The following NPHS1 variants were observed in gnomAD, a reference collection of about 807,000 sequenced individuals.
The protein encoded by NPHS1 is NPHS1 adhesion molecule, nephrin, also known as nephrin.
Under a neutral mutation model 139.7 loss-of-function variants are expected in NPHS1, and 107 were observed. The observed-to-expected ratio is 0.77, with a 90% CI of 0.66 to 0.90. The LOEUF (loss-of-function observed/expected upper bound fraction) is 0.90. Ranked by LOEUF, NPHS1 falls within the 40% of genes least tolerant of loss-of-function variation. The probability of loss-of-function intolerance (pLI) is 0.00; values close to 1 mark genes in which losing one functional copy is unlikely to be tolerated. For missense variants in NPHS1, 1,580 were observed against 1,654.2 expected, an observed-to-expected ratio of 0.96 and a Z score of 0.78; for synonymous variants, 707 against 706.6, an observed-to-expected ratio of 1.00 and a Z score of -0.01.
intron 28 of NPHS1, among the ~76,000 whole-genome samples, chr19:35,828,062 C>T (rs1330928619): frequency 6.6e-6 from 1 of 152,002 alleles, no homozygotes; most frequent in East Asian, 1.9e-4. Context: ...AAAAACAAAA[C>T]AAAGCAAAAC....
intron 11 of NPHS1, among the ~76,000 whole-genome samples, chr19:35,846,966 A>T (rs1360517989): frequency 6.6e-6 from 1 of 152,148 alleles, no homozygotes; most frequent in African/African-American, 2.4e-5. Flanking sequence ...CTTGCCTCCA[A>T]ATCCCAAGAG....
chr19:35,849,162 A>C lies in NPHS1; in HGVS notation c.841-15T>G. On this transcript the variant is annotated splice_polypyrimidine_tract_variant and intron_variant, in intron 7 of 28. Coordinates refer to ENST00000378910, the MANE Select transcript of NPHS1 (RefSeq NM_004646.4). ...GGCTGGCCATTCTGGAGACAGGGACAGGCCTGGGCCAGCTCAGGACTGGCT... is the reference window on the plus strand; with the variant it reads ...GGCTGGCCATTCTGGAGACAGGGACCGGCCTGGGCCAGCTCAGGACTGGCT... 6.2e-7 allele frequency: 1 copy of C among 1,611,862 alleles called. No homozygotes were observed. The highest frequency in any genetic ancestry group is 8.5e-7 in the Non-Finnish European group (1 of 1,180,002).
Position 35,849,025 on chromosome 19 carries a change from G to C in NPHS1, c.963C>G (p.Asn321Lys). Residue 321 changes from asparagine to lysine, a missense_variant, in exon 8 of 29, where the codon AAC becomes AAG. Physicochemically the swap from Asn to Lys is moderately conservative, Grantham distance 94 (BLOSUM62 0). Coordinates refer to ENST00000378910, the MANE Select transcript of NPHS1 (RefSeq NM_004646.4). ...GCTCCTGGGTCCCTGCAGACACGCT[G>C]TTGTGGGCCTCGCAGCTGAGCTGCG... ...HGAQLSCEAH[N>K]SVSAGTQEHG... 2 of 1,612,304 alleles carry C rather than the reference G, an allele frequency of 1.2e-6. No individual in the cohort carries two copies. Among genetic ancestry groups the C allele is most frequent in the Non-Finnish European group, 1.7e-6 (2 of 1,180,036 alleles).
Position 35,842,278 on chromosome 19 carries a change from C to T in NPHS1, c.2509G>A (p.Ala837Thr), listed in dbSNP as rs150623032. The change falls in exon 19 of 29, where the codon GCC becomes ACC. Residue 837 changes from alanine to threonine, a missense_variant and splice_region_variant. By Grantham distance (58) the Ala-to-Thr change is moderately conservative. Transcript: ENST00000378910. ...GGAGTGGGGTGCTCCACCTGGGGGG[C>T]AACTGGGAGGGGATGGGCAGTCAAC... is the stretch of plus-strand genomic sequence containing the variant. The part of the protein sequence containing the change: ...RRLLRLVVRF[A>T]PQVEHPTPLT... The T allele has an allele frequency of 1.9e-6, 3 of 1,612,396 alleles. No individual in the cohort carries two copies. Among genetic ancestry groups the T allele is most frequent in the Admixed American group, 3.3e-5 (2 of 59,990 alleles).
Position 35,848,058 on chromosome 19 carries a change from A to G in NPHS1, c.1423T>C (p.Ser475Pro). 1 of 1,613,814 alleles carries G rather than the reference A, an allele frequency of 6.2e-7. No individual in the cohort carries two copies. Among genetic ancestry groups the G allele is most frequent in the Non-Finnish European group, 8.5e-7 (1 of 1,180,006 alleles). The part of the protein sequence containing the change: ...CLAIGGNPEP[S>P]LMWYKDSRTV... ...GCACCAACCTTGTACCACATGAGGGAGGGCTCTGGGTTGCCCCCGATAGCC... is the reference window on the plus strand; with the variant it reads ...GCACCAACCTTGTACCACATGAGGGGGGGCTCTGGGTTGCCCCCGATAGCC... Residue 475 changes from serine to proline, a missense_variant, in exon 11 of 29, where the codon TCC becomes CCC. By Grantham distance (74) the Ser-to-Pro change is moderately conservative. Transcript: ENST00000378910.
In NPHS1 at chr19:35,848,244, G is replaced by A; in HGVS notation, c.1315+9C>T. On this transcript the variant is annotated intron_variant, in intron 10 of 28. Transcript: ENST00000378910. ...TTGGGGGCATTGCTGGGCCAGGGCAGGGGCTCACATTTTACGTTCAGGATG... is the reference window on the plus strand; with the variant it reads ...TTGGGGGCATTGCTGGGCCAGGGCAAGGGCTCACATTTTACGTTCAGGATG... The A allele has an allele frequency of 6.2e-7, 1 of 1,614,162 alleles. No homozygotes were observed.
In NPHS1 at chr19:35,845,507, G is replaced by A; in HGVS notation, c.1791C>T (p.Ala597=). 1 of 1,611,656 alleles carries A rather than the reference G, an allele frequency of 6.2e-7. No homozygotes were observed. The highest frequency in any genetic ancestry group is 8.5e-7 in the Non-Finnish European group (1 of 1,179,132). ...LEGVAAPPRR[A]PFKGSAAARS... is the part of the protein sequence containing the mutation. The stretch of plus-strand genomic sequence containing the variant: ...TGGCGGCGGCGGAGCCTTTGAATGG[G>A]GCTCTCCGGGGTGGGGCGGCCACGC... The change falls in exon 14 of 29, where the codon GCC becomes GCT. Residue 597 remains alanine (A), a synonymous_variant. Coordinates refer to ENST00000378910, the MANE Select transcript of NPHS1 (RefSeq NM_004646.4). This position sits in a 1 kb window ranked among gnomAD's most constrained non-coding sequence, Gnocchi z 5.5.
chr19:35,849,131 G>A lies in NPHS1; in HGVS notation c.857C>T (p.Ser286Phe), dbSNP rs1396811479. 6.2e-7 allele frequency: 1 copy of A among 1,609,812 alleles called. No individual in the cohort carries two copies. Among genetic ancestry groups the A allele is most frequent in the African/African-American group, 1.3e-5 (1 of 74,938 alleles). Reference protein sequence around the residue: ...LQWLKNGQPVSTAWGTEHTQA... With the variant: ...LQWLKNGQPVFTAWGTEHTQA... ...GGTGTGCTCTGTGCCCCACGCTGTG[G>A]ACACCGGCTGGCCATTCTGGAGACA... The change falls in exon 8 of 29, where the codon TCC becomes TTC. Residue 286 changes from serine to phenylalanine, a missense_variant. By Grantham distance (155) the Ser-to-Phe change is radical (BLOSUM62 -2). Coordinates refer to ENST00000378910, the MANE Select transcript of NPHS1 (RefSeq NM_004646.4).
chr19:35,826,642 G>C lies in NPHS1; in HGVS notation c.3598C>G (p.Pro1200Ala), dbSNP rs35240811. 1 of 1,613,990 alleles carries C rather than the reference G, an allele frequency of 6.2e-7. No individual in the cohort carries two copies. The highest frequency in any genetic ancestry group is 8.5e-7 in the Non-Finnish European group (1 of 1,180,024). The change falls in exon 29 of 29, where the codon CCC becomes GCC. Residue 1200 changes from proline to alanine, a missense_variant. Physicochemically the swap from Pro to Ala is conservative, Grantham distance 27. Coordinates refer to ENST00000378910, the MANE Select transcript of NPHS1 (RefSeq NM_004646.4). Reference sequence around the variant, plus strand: ...TCTTCAGGCCAGTGGAGGTCCCAGGGTCCCTGACAGGCAAAAAGTGGAGTT... The same window carrying C: ...TCTTCAGGCCAGTGGAGGTCCCAGGCTCCCTGACAGGCAAAAAGTGGAGTT... ...GPLYDEVQMG[P>A]WDLHWPEDTY... is the part of the protein sequence containing the mutation.
In NPHS1 at chr19:35,845,023, T is replaced by G. The variant is rs1375009847; in HGVS notation, c.1930+345A>C. On this transcript the variant is annotated intron_variant, in intron 14 of 28. Transcript: ENST00000378910. The surrounding 1 kb of genome is among the most constrained non-coding windows in gnomAD (Gnocchi z 5.5). Reference sequence around the variant, plus strand: ...TGGCACGCGCCTGTAATCCCAGCACTTTGAGAGGCCAACGCAGGAGAACTG... The same window carrying G: ...TGGCACGCGCCTGTAATCCCAGCACGTTGAGAGGCCAACGCAGGAGAACTG... Among the ~76,000 whole-genome samples, 1 of 152,090 alleles carries G rather than the reference T, an allele frequency of 6.6e-6. No homozygotes were observed. The highest frequency in any genetic ancestry group is 1.5e-5 in the Non-Finnish European group (1 of 68,026).
At chr19:35,836,450 C>T (rs747976752) in intron 22 of NPHS1, among the ~76,000 whole-genome samples, 3 of 151,958 alleles carry the variant, frequency 2.0e-5, no homozygotes, top group Admixed American at 1.3e-4. Flanking sequence ...TGAGCACTTT[C>T]GGTGTGCAAG....
In NPHS1 at chr19:35,849,328, G is replaced by T; in HGVS notation, c.748C>A (p.Leu250Met). Residue 250 changes from leucine to methionine, a missense_variant, in exon 7 of 29, where the codon CTG becomes ATG. By Grantham distance (15) the Leu-to-Met change is conservative. Transcript: ENST00000378910. ...PGPPVIEWPGLDEGHVRAGQS... is the reference protein window; with the variant it reads ...PGPPVIEWPGMDEGHVRAGQS... ...CCTGCCCGCACGTGCCCCTCATCCA[G>T]GCCTGGCCACTCGATGACAGGGGGT... is the stretch of plus-strand genomic sequence containing the variant. 1 of 1,612,836 alleles carries T rather than the reference G, an allele frequency of 6.2e-7. No homozygotes were observed.
chr19:35,847,921 T>C, intron 11 of NPHS1, 120 bp downstream of exon 11: 1 of 1,069,318 alleles, frequency 9.4e-7, no homozygotes, highest in Non-Finnish European at 1.3e-6. Flanking sequence ...CTCAGAATCT[T>C]TAGTACTTTT....
intron 22 of NPHS1, among the ~76,000 whole-genome samples, chr19:35,837,039 A>G (rs1346728959): frequency 9.3e-6 from 1 of 107,136 alleles, no homozygotes; most frequent in Non-Finnish European, 1.8e-5. Context: ...AGAAAGAAAG[A>G]AAGAAAGAAA....
Position 35,851,094 on chromosome 19 carries a change from T to G in NPHS1, c.398-5A>C. 1 of 1,613,956 alleles carries G rather than the reference T, an allele frequency of 6.2e-7. No homozygotes were observed. Among genetic ancestry groups the G allele is most frequent in the Non-Finnish European group, 8.5e-7 (1 of 1,180,004 alleles). On this transcript the variant is annotated splice_polypyrimidine_tract_variant and splice_region_variant and intron_variant, in intron 3 of 28. Transcript: ENST00000378910. ...GCAGGAGCAGCTTGGGAGGAACTGG[T>G]GAGAGAAGGGTCTGGGGTAAGCTTC...
At position 35,844,384 on chromosome 19, in the gene NPHS1, G is replaced by A; in HGVS notation, c.2006C>T (p.Ser669Phe). The part of the protein sequence containing the change: ...VEQGEALLPV[S>F]VSANPAPEAF... ...CTCGGGGGCGGGGTTAGCGGACACGGACACGGGCAGCAACGCCTCGCCCTG... is the reference window on the plus strand; with the variant it reads ...CTCGGGGGCGGGGTTAGCGGACACGAACACGGGCAGCAACGCCTCGCCCTG... The change falls in exon 15 of 29, where the codon TCC (serine) becomes TTC (phenylalanine). Residue 669 changes from serine to phenylalanine, a missense_variant. Coordinates refer to ENST00000378910, the MANE Select transcript of NPHS1 (RefSeq NM_004646.4). 6.2e-7 allele frequency: 1 copy of A among 1,612,730 alleles called. No homozygotes were observed. The highest frequency in any genetic ancestry group is 8.5e-7 in the Non-Finnish European group (1 of 1,179,588).
chr19:35,842,573 T>C (rs1335716758), intron 17 of NPHS1, 23 bp from the exon 18 acceptor site: 3 of 1,613,238 alleles, frequency 1.9e-6, no homozygotes, highest in African/African-American at 2.7e-5. Flanking sequence ...GAGTCCAGAA[T>C]TGGCCTCCCA....
At chr19:35,842,029 T>C in intron 19 of NPHS1, 95 bp downstream of exon 19, 3 of 1,451,132 alleles carry the variant, frequency 2.1e-6, no homozygotes, top group African/African-American at 1.4e-5. Flanking sequence ...CCTCCACCCA[T>C]TCGTCTTCCT....
chr19:35,850,294 T>TC lies in NPHS1; in HGVS notation c.608+69dup, dbSNP rs139770478. ...ACCTAGCCCAAGCTTCATGCTTGCA[T>TC]CCCTGGGGTCTGGGGTTCCCATGGG... On this transcript the variant is annotated intron_variant, in intron 5 of 28. Coordinates refer to ENST00000378910, the MANE Select transcript of NPHS1 (RefSeq NM_004646.4). The TC allele has an allele frequency of 4.2e-3, 5,089 of 1,218,010 alleles. 9 individuals are homozygous for TC. Among genetic ancestry groups the TC allele is most frequent in the Middle Eastern group, 5.6e-3 (29 of 5,178 alleles). The allele number at this position is 1,218,010 out of a possible 1,614,324, so 75.5% of individuals were successfully genotyped here. A position where few individuals can be genotyped will look rare whatever the true frequency, so the allele number is the denominator to read the frequency against.
Sources: gnomAD v4.1 joint callset for allele counts (sites outside exome capture counted in the v4.1 genomes callset) on GRCh38, gnomAD v4.1.1 for gene constraint, Gnocchi (gnomAD v3.1) non-coding constraint, MANE v1.5 for transcripts, NCBI Gene and HGNC (gene_info 2026-07-23, HGNC 2026-07-21) for gene names.